POLR3A: variants seen among roughly 807,000 people sequenced by gnomAD.
POLR3A encodes the protein RNA polymerase III subunit A.
A neutral mutation model predicts 152.8 loss-of-function variants in POLR3A; 112 were observed. The observed-to-expected ratio is 0.73, with a 90% CI of 0.63 to 0.86. POLR3A has a LOEUF of 0.86. Ranked by LOEUF, POLR3A falls within the 40% of genes least tolerant of loss-of-function variation. The pLI, the probability that POLR3A is intolerant of heterozygous loss-of-function variation, is 0.00. For missense variants in POLR3A, 1,385 were observed against 1,743.1 expected (o/e 0.79, Z 3.66); for synonymous variants, 615 against 652.1 (o/e 0.94, Z 0.87).
intron 18 of POLR3A, 86 bp from the exon 19 acceptor site, chr10:78,000,204 C>T: frequency 8.8e-7 from 1 of 1,142,674 alleles, no homozygotes; most frequent in Non-Finnish European, 1.3e-6. Flanking sequence ...GAAAATGCCC[C>T]ACCTTGAGAC....
In POLR3A at chr10:78,021,930, C is replaced by A. The variant is rs747555357; in HGVS notation, c.978G>T (p.Ser326=). The part of the protein sequence containing the change: ...QCALYINSEL[S]GIPLNMAPKK... ...TGGGTGCCATGTTGAGGGGAATGCC[C>A]GAGAGCTCACTGTTAATGTAGAGGG... The change falls in exon 7 of 31, where the codon TCG becomes TCT. Residue 326 remains serine (S), a synonymous_variant. Coordinates refer to ENST00000372371, the MANE Select transcript of POLR3A (RefSeq NM_007055.4). 4.3e-6 allele frequency: 7 copies of A among 1,614,094 alleles called. No individual in the cohort carries two copies. The highest frequency in any genetic ancestry group is 5.9e-6 in the Non-Finnish European group (7 of 1,180,022).
At position 78,013,698 on chromosome 10, in the gene POLR3A, A is replaced by G. The variant is rs1006839346; in HGVS notation, c.1524T>C (p.His508=). Residue 508 remains histidine (H), a synonymous_variant, in exon 11 of 31, where the codon CAT becomes CAC. Coordinates refer to ENST00000372371, the MANE Select transcript of POLR3A (RefSeq NM_007055.4). The part of the protein sequence containing the change: ...ADFDGDEMNL[H]LPQTEEAKAE... ...CTTTAGCTTCTTCTGTTTGAGGAAGATGAAGGTTCATTTCATCACCATCAA... is the reference window on the plus strand; with the variant it reads ...CTTTAGCTTCTTCTGTTTGAGGAAGGTGAAGGTTCATTTCATCACCATCAA... 1.9e-6 allele frequency: 3 copies of G among 1,614,014 alleles called. No individual in the cohort carries two copies. In the African/African-American group the frequency reaches 4.0e-5, roughly 22 times the overall value.
In POLR3A at chr10:77,983,909, A is replaced by G. The variant is rs1403220642; in HGVS notation, c.3429+11T>C. The G allele has an allele frequency of 6.5e-7, 1 of 1,543,894 alleles. No individual in the cohort carries two copies. The highest frequency in any genetic ancestry group is 2.2e-5 in the East Asian group (1 of 44,538). ...GATGACTTCCTCTCTACATTTAATT[A>G]TGTGACTCACTTCCAGTCTCAGAAG... On this transcript the variant is annotated intron_variant, in intron 26 of 30. Coordinates refer to ENST00000372371, the MANE Select transcript of POLR3A (RefSeq NM_007055.4).
In POLR3A at chr10:78,007,769, T is replaced by A; in HGVS notation, c.2007A>T (p.Arg669=). Residue 669 remains arginine, a synonymous_variant, in exon 15 of 31, where the codon CGA becomes CGT. Transcript: ENST00000372371. The part of the protein sequence containing the change: ...SKNNIFYILL[R]DWGQNEAADA... ...CTGCAGCTTCATTCTGTCCCCAGTCTCGCAGCAAAATGTAAAAAATATTGT... is the reference window on the plus strand; with the variant it reads ...CTGCAGCTTCATTCTGTCCCCAGTCACGCAGCAAAATGTAAAAAATATTGT... The A allele has an allele frequency of 6.2e-7, 1 of 1,614,118 alleles. No individual in the cohort carries two copies.
intron 28 of POLR3A, 44 bp from the exon 29 acceptor site, chr10:77,981,603 G>T (rs749956241): frequency 1.9e-6 from 3 of 1,610,376 alleles, no homozygotes; most frequent in Non-Finnish European, 2.5e-6. Flanking sequence ...CTTCCGGGAG[G>T]CCACTGCAAA....
rs1847364984 is a variant in POLR3A at position 78,002,272 on chromosome 10, G to A, written c.2284C>T (p.His762Tyr). 1 of 1,605,404 alleles carries A rather than the reference G, an allele frequency of 6.2e-7. No individual in the cohort carries two copies. The highest frequency in any genetic ancestry group is 8.5e-7 in the Non-Finnish European group (1 of 1,176,608). Residue 762 changes from histidine (H) to tyrosine (Y), a missense_variant, in exon 17 of 31, where the codon CAC becomes TAC. His to Tyr is a moderately conservative substitution (Grantham distance 83). Transcript: ENST00000372371. ...ILKELSVIRDHAGSACLRELD... is the reference protein window; with the variant it reads ...ILKELSVIRDYAGSACLRELD... Reference sequence around the variant, plus strand: ...TCCCGGAGGCAGGCACTGCCAGCGTGGTCACGGATCACAGACAGCTCCTTC... The same window carrying A: ...TCCCGGAGGCAGGCACTGCCAGCGTAGTCACGGATCACAGACAGCTCCTTC...
intron 26 of POLR3A, among the ~76,000 whole-genome samples, chr10:77,983,225 A>G (rs979070636): frequency 3.9e-5 from 6 of 152,234 alleles, no homozygotes. Flanking sequence ...CTCTTCTGCA[A>G]AGGAGCCACA....
intron 15 of POLR3A, among the ~76,000 whole-genome samples, chr10:78,005,197 A>G (rs1847399194): frequency 6.6e-6 from 1 of 152,252 alleles, no homozygotes; most frequent in Admixed American, 6.5e-5. Flanking sequence ...GACATTAAAC[A>G]CTAAAGGGTG....
In POLR3A at chr10:78,013,703, G is replaced by C. The variant is rs1439506563; in HGVS notation, c.1519C>G (p.Leu507Val). The change falls in exon 11 of 31, where the codon CTT (leucine) becomes GTT (valine). Residue 507 changes from leucine (L) to valine (V), a missense_variant. By Grantham distance (32) the Leu-to-Val change is conservative (BLOSUM62 1). This residue lies in a region of POLR3A where 493 missense variants were observed against 647.5 expected (regional missense o/e 0.76). Coordinates refer to ENST00000372371, the MANE Select transcript of POLR3A (RefSeq NM_007055.4). ...GCTTCTTCTGTTTGAGGAAGATGAA[G>C]GTTCATTTCATCACCATCAAAGTCA... The part of the protein sequence containing the change: ...NADFDGDEMN[L>V]HLPQTEEAKA... 1.2e-6 allele frequency: 2 copies of C among 1,613,956 alleles called. No homozygotes were observed. The highest frequency in any genetic ancestry group is 1.7e-6 in the Non-Finnish European group (2 of 1,179,950).
At chr10:78,015,478 C>T (rs1383461212) in intron 10 of POLR3A, among the ~76,000 whole-genome samples, 3 of 151,874 alleles carry the variant, frequency 2.0e-5, no homozygotes, top group Non-Finnish European at 4.4e-5. Flanking sequence ...CAGGCACGTG[C>T]CACCACACCC....
intron 17 of POLR3A, among the ~76,000 whole-genome samples, 186 bp from the exon 18 acceptor site, chr10:78,001,280 C>T (rs766283193): frequency 1.3e-5 from 2 of 152,094 alleles, no homozygotes; most frequent in African/African-American, 4.8e-5. Flanking sequence ...AAAGGCGGAA[C>T]GACGGCGAGA....
At position 78,025,839 on chromosome 10, in the gene POLR3A, A is replaced by G. The variant is rs577320439; in HGVS notation, c.181-80T>C. Reference sequence around the variant, plus strand: ...GCCCAGCCATCATGCCTGGCTGGTGACACAGAATCATTTCTTTTGCTTCTT... The same window carrying G: ...GCCCAGCCATCATGCCTGGCTGGTGGCACAGAATCATTTCTTTTGCTTCTT... On this transcript the variant is annotated intron_variant, in intron 2 of 30. Coordinates refer to ENST00000372371, the MANE Select transcript of POLR3A (RefSeq NM_007055.4). 3.9e-4 allele frequency: 516 copies of G among 1,328,470 alleles called. 1 individual carries two copies. In the African/African-American group the frequency reaches 4.4e-3, roughly 11 times the overall value. 82.3% of individuals were successfully genotyped at this position (1,328,470 alleles called of 1,614,324 possible). A position where few individuals can be genotyped will look rare whatever the true frequency, so the allele number is the denominator to read the frequency against.
intron 11 of POLR3A, among the ~76,000 whole-genome samples, chr10:78,012,542 G>A (rs1847476551): frequency 6.6e-6 from 1 of 152,188 alleles, no homozygotes; most frequent in South Asian, 2.1e-4. Flanking sequence ...ACAACTATAA[G>A]ACTTACCAGT....
Position 78,004,885 on chromosome 10 carries a change from T to C in POLR3A, c.2078A>G (p.Asn693Ser), listed in dbSNP as rs762284690. ...ACCGATCCCAATTGAGAAACCACGG[T>C]TAGCTGTTGAGTTGGTAGAGCAGGA... ...LARLAPVYLSNRGFSIGIGDV... is the reference protein window; with the variant it reads ...LARLAPVYLSSRGFSIGIGDV... Residue 693 changes from asparagine to serine, a missense_variant, in exon 16 of 31, where the codon AAC (asparagine) becomes AGC (serine). By Grantham distance (46) the Asn-to-Ser change is conservative. Coordinates refer to ENST00000372371, the MANE Select transcript of POLR3A (RefSeq NM_007055.4). The C allele has an allele frequency of 6.2e-7, 1 of 1,614,060 alleles. No individual in the cohort carries two copies. The highest frequency in any genetic ancestry group is 8.5e-7 in the Non-Finnish European group (1 of 1,179,918).
At chr10:77,984,041 T>G in intron 25 of POLR3A, 29 bp from the exon 26 acceptor site, 1 of 1,496,104 alleles carries the variant, frequency 6.7e-7, no homozygotes, top group Non-Finnish European at 9.3e-7. Flanking sequence ...AGACTGTTAA[T>G]CAGCCGCTTT....
intron 15 of POLR3A, 62 bp downstream of exon 15, chr10:78,007,640 G>T: frequency 7.0e-7 from 1 of 1,429,512 alleles, no homozygotes; most frequent in Non-Finnish European, 9.9e-7. Flanking sequence ...ACAAAATAAC[G>T]TAAACCCTTA....
intron 21 of POLR3A, among the ~76,000 whole-genome samples, chr10:77,988,488 T>C (rs960519117): frequency 6.6e-6 from 1 of 151,652 alleles, no homozygotes; most frequent in Admixed American, 6.6e-5. Context: ...TGAGACTCTG[T>C]CTCAGGAAAA....
Position 78,021,951 on chromosome 10 carries a change from G to C in POLR3A, c.957C>G (p.Leu319=), listed in dbSNP as rs374888584. Residue 319 remains leucine, a synonymous_variant, in exon 7 of 31, where the codon CTC becomes CTG. Coordinates refer to ENST00000372371, the MANE Select transcript of POLR3A (RefSeq NM_007055.4). ...DWDFLQLQCA[L]YINSELSGIP... Reference sequence around the variant, plus strand: ...TGCCCGAGAGCTCACTGTTAATGTAGAGGGCACACTGCAGCTGCAGGAAAT... The same window carrying C: ...TGCCCGAGAGCTCACTGTTAATGTACAGGGCACACTGCAGCTGCAGGAAAT... 2.5e-6 allele frequency: 4 copies of C among 1,614,152 alleles called. No homozygotes were observed. The East Asian group carries it at 8.9e-5, about 36-fold the overall frequency.
chr10:78,005,284 C>T, intron 15 of POLR3A, among the ~76,000 whole-genome samples: 1 of 152,192 alleles, frequency 6.6e-6, no homozygotes, highest in South Asian at 2.1e-4. Flanking sequence ...CTCGCTTGAT[C>T]CCAGATGTTT....
Sources: allele counts gnomAD v4.1 joint callset (sites outside exome capture counted in the v4.1 genomes callset), GRCh38; gene constraint gnomAD v4.1.1; regional missense constraint gnomAD v4.1.1; transcripts MANE v1.5; gene names NCBI Gene and HGNC (gene_info 2026-07-23, HGNC 2026-07-21).